Variants in MYO9A observed in about 807,000 individuals in gnomAD.
MYO9A encodes the protein myosin IXA.
Under a neutral mutation model 293.3 loss-of-function variants are expected in MYO9A, and 103 were observed. The observed-to-expected ratio is 0.35, with a 90% CI of 0.30 to 0.41. The LOEUF is 0.41. Among genes scored for constraint, MYO9A ranks in the 10% least tolerant of loss-of-function variants. The pLI is 1.00. For synonymous variants in MYO9A, 1,001 were observed against 1,035.7 expected (o/e 0.97, Z 0.64); for missense variants, 2,685 against 3,033.0 (o/e 0.89, Z 2.69).
chr15:71,853,790 T>C (rs1335434609), intron 35 of MYO9A, among the ~76,000 whole-genome samples: 1 of 152,196 alleles, frequency 6.6e-6, no homozygotes, highest in African/African-American at 2.4e-5. Flanking sequence ...TTTGAGTAAC[T>C]GTCATCAGTG....
chr15:71,896,673 G>A (rs1004895681), intron 25 of MYO9A, among the ~76,000 whole-genome samples: 4 of 151,858 alleles, frequency 2.6e-5, no homozygotes, highest in Admixed American at 6.6e-5. Flanking sequence ...CCAGCTACTC[G>A]GGAGGCTGAG....
At chr15:72,048,604 C>T (rs1442521599) in intron 1 of MYO9A, among the ~76,000 whole-genome samples, 2 of 152,122 alleles carry the variant, frequency 1.3e-5, no homozygotes, top group South Asian at 2.1e-4. Flanking sequence ...TATTTTTCCA[C>T]CCCTGAACCT....
chr15:71,896,953 T>A (rs1044391241), intron 25 of MYO9A: 1 of 152,590 alleles, frequency 6.6e-6, no homozygotes, highest in African/African-American at 2.4e-5. Flanking sequence ...TGCAAAACAA[T>A]GTATATACAG....
chr15:72,103,599 T>A (rs1262435192), intron 1 of MYO9A, among the ~76,000 whole-genome samples: 1 of 143,544 alleles, frequency 7.0e-6, no homozygotes, highest in African/African-American at 2.7e-5. Flanking sequence ...GCAGAAGCAG[T>A]GGAAGCAGAA....
At chr15:72,028,228 T>TATATAC (rs1412571749) in intron 3 of MYO9A, among the ~76,000 whole-genome samples, 3 of 144,806 alleles carry the variant, frequency 2.1e-5, no homozygotes, top group Non-Finnish European at 3.0e-5. Context: ...AATATATATA[T>TATATAC]ATATATATAT....
At chr15:72,092,405 G>C (rs2079942751) in intron 1 of MYO9A, among the ~76,000 whole-genome samples, 1 of 152,094 alleles carries the variant, frequency 6.6e-6, no homozygotes, top group African/African-American at 2.4e-5. Context: ...TTCTGTAAAG[G>C]GCCAGAGGTA....
chr15:71,965,038 A>G (rs1430528062), intron 13 of MYO9A, among the ~76,000 whole-genome samples: 2 of 151,992 alleles, frequency 1.3e-5, no homozygotes, highest in Non-Finnish European at 2.9e-5. Flanking sequence ...ACTTTCCTAC[A>G]TTCCTTGCTT....
chr15:71,903,663 T>A (rs937158050), intron 21 of MYO9A, among the ~76,000 whole-genome samples: 7 of 152,248 alleles, frequency 4.6e-5, no homozygotes, highest in African/African-American at 1.7e-4. Context: ...AGAATTGTTA[T>A]ATCAGGAGTA....
At chr15:71,901,821 T>C (rs1415696879) in intron 22 of MYO9A, among the ~76,000 whole-genome samples, 1 of 152,168 alleles carries the variant, frequency 6.6e-6, no homozygotes, top group Non-Finnish European at 1.5e-5. Flanking sequence ...ATAAGTCATA[T>C]TTTTCAAGCG....
intron 8 of MYO9A, 26 bp from the exon 9 acceptor site, chr15:71,999,966 T>C (rs1567367150): frequency 1.9e-6 from 3 of 1,558,746 alleles, no homozygotes; most frequent in Non-Finnish European, 2.6e-6. Context: ...GTAAACTCAA[T>C]ATGTAAGATT....
intron 28 of MYO9A, among the ~76,000 whole-genome samples, chr15:71,881,480 C>T (rs1360626732): frequency 6.6e-6 from 1 of 151,936 alleles, no homozygotes; most frequent in African/African-American, 2.4e-5. Flanking sequence ...AACTATGACA[C>T]AAGAGTAAAG....
At chr15:72,065,615 A>C (rs1045917190) in intron 1 of MYO9A, among the ~76,000 whole-genome samples, 2 of 152,082 alleles carry the variant, frequency 1.3e-5, no homozygotes, top group Non-Finnish European at 2.9e-5. Context: ...ATAAAAAATA[A>C]TAAATTTGAC....
At chr15:71,972,867 T>A (rs1015811439) in intron 12 of MYO9A, among the ~76,000 whole-genome samples, 1 of 152,122 alleles carries the variant, frequency 6.6e-6, no homozygotes, top group Non-Finnish European at 1.5e-5. Flanking sequence ...GTAAAAGTTA[T>A]CAGTGGAATT....
Position 71,898,227 on chromosome 15 carries a change from G to A in MYO9A, c.4276C>T (p.Gln1426Ter). The change falls in exon 25 of 42, where the codon CAA becomes TAA. Residue 1426 changes from glutamine to a stop codon, truncating the protein, a stop_gained. Coordinates refer to ENST00000356056, the MANE Select transcript of MYO9A (RefSeq NM_006901.4). LOFTEE classifies it high-confidence loss of function. ...TGGGAATTTGTTTTCAGTGGGTCTTGTTGGGGGATATAAAAAAAAGTAGGT... is the reference window on the plus strand; with the variant it reads ...TGGGAATTTGTTTTCAGTGGGTCTTATTGGGGGATATAAAAAAAAGTAGGT... ...SLPTFFYIPQ[Q>*]DPLKTNSQLD... The A allele has an allele frequency of 6.2e-7, 1 of 1,614,100 alleles. No individual in the cohort carries two copies. The highest frequency in any genetic ancestry group is 8.5e-7 in the Non-Finnish European group (1 of 1,180,024).
chr15:72,038,944 TAATC>T (rs1449408857), intron 2 of MYO9A, among the ~76,000 whole-genome samples: 3 of 152,152 alleles, frequency 2.0e-5, no homozygotes, highest in Non-Finnish European at 4.4e-5. Context: ...AATATATACA[TAATC>T]TATATATATT....
intron 18 of MYO9A, among the ~76,000 whole-genome samples, chr15:71,917,764 T>A (rs868249564): frequency 6.6e-6 from 1 of 152,158 alleles, no homozygotes; most frequent in African/African-American, 2.4e-5. Context: ...ATGTAAACTA[T>A]ATGTTATTTA....
chr15:71,898,210 T>C lies in MYO9A; in HGVS notation c.4293A>G (p.Thr1431=), dbSNP rs1212332796. ...FYIPQQDPLK[T]NSQLDTSIQR... is the part of the protein sequence containing the mutation. ...GGATACTTGTGTCTAGTTGGGAATT[T>C]GTTTTCAGTGGGTCTTGTTGGGGGA... Residue 1431 remains threonine, a synonymous_variant, in exon 25 of 42, where the codon ACA becomes ACG. Coordinates refer to ENST00000356056, the MANE Select transcript of MYO9A (RefSeq NM_006901.4). The C allele has an allele frequency of 1.2e-6, 2 of 1,614,030 alleles. No individual in the cohort carries two copies. The highest frequency in any genetic ancestry group is 1.3e-5 in the African/African-American group (1 of 74,922).
chr15:71,827,934 C>A lies in MYO9A; in HGVS notation c.7133G>T (p.Ser2378Ile). Residue 2378 changes from serine (S) to isoleucine (I), a missense_variant, in exon 41 of 42, where the codon AGC becomes ATC. Transcript: ENST00000356056. ...ESEASIGTAD[S>I]SENLNMESEY... ...AGACTCCATATTCAAATTCTCTGAGCTATCAGCAGTCCCAATGGAGGCCTC... is the reference window on the plus strand; with the variant it reads ...AGACTCCATATTCAAATTCTCTGAGATATCAGCAGTCCCAATGGAGGCCTC... 3 of 1,613,872 alleles carry A rather than the reference C, an allele frequency of 1.9e-6. No individual in the cohort carries two copies. Among genetic ancestry groups the A allele is most frequent in the Non-Finnish European group, 2.5e-6 (3 of 1,179,836 alleles).
rs2054663925 is a variant in MYO9A, at chr15:71,830,226, T to A, written c.6923A>T (p.Glu2308Val). 4 of 1,613,956 alleles carry A rather than the reference T, an allele frequency of 2.5e-6. No homozygotes were observed. In the African/African-American group the frequency reaches 5.3e-5, roughly 22 times the overall value. Residue 2308 changes from glutamate to valine, a missense_variant, in exon 40 of 42, where the codon GAG becomes GTG. Physicochemically the swap from Glu to Val is moderately radical, Grantham distance 121. Coordinates refer to ENST00000356056, the MANE Select transcript of MYO9A (RefSeq NM_006901.4). Reference sequence around the variant, plus strand: ...GGCTGCCTCACTAGTCAAGGTCTCCTCTGAGACATCAGACACAGAAGGCAA... The same window carrying A: ...GGCTGCCTCACTAGTCAAGGTCTCCACTGAGACATCAGACACAGAAGGCAA... ...VRLPSVSDVS[E>V]ETLTSEAAME...
Sources: allele counts gnomAD v4.1 joint callset (sites outside exome capture counted in the v4.1 genomes callset), GRCh38; gene constraint gnomAD v4.1.1; transcripts MANE v1.5; gene names NCBI Gene and HGNC (gene_info 2026-07-23, HGNC 2026-07-21).